Variants in SRGAP3 observed in about 807,000 individuals in gnomAD.
SRGAP3 encodes the protein SLIT-ROBO Rho GTPase activating protein 3, also known as SLIT-ROBO Rho GTPase-activating protein 3.
In SRGAP3, 39 loss-of-function variants were observed where a neutral mutation model predicts 121.1. The observed-to-expected ratio is 0.32, with a 90% CI of 0.25 to 0.42. The LOEUF is 0.42. Among genes scored for constraint, SRGAP3 ranks in the 10% least tolerant of loss-of-function variants. SRGAP3 has a pLI of 1.00. For synonymous variants in SRGAP3, 601 were observed against 570.0 expected, an observed-to-expected ratio of 1.05 and a Z score of -0.77; for missense variants, 1,213 against 1,470.6, an observed-to-expected ratio of 0.82 and a Z score of 2.86.
chr3:9,191,392 T>A (rs890425204), intron 1 of SRGAP3, among the ~76,000 whole-genome samples: 3 of 152,238 alleles, frequency 2.0e-5, no homozygotes, highest in Non-Finnish European at 4.4e-5. Flanking sequence ...CTAAAGGAGC[T>A]AATGGTGTTT....
intron 1 of SRGAP3, among the ~76,000 whole-genome samples, chr3:9,342,308 G>A (rs1248159339): frequency 2.0e-5 from 3 of 150,854 alleles, no homozygotes; most frequent in East Asian, 2.0e-4. Flanking sequence ...CTGAGATTGC[G>A]CCACTGTACT....
intron 1 of SRGAP3, among the ~76,000 whole-genome samples, chr3:9,154,725 T>G (rs942048938): frequency 6.6e-6 from 1 of 152,186 alleles, no homozygotes; most frequent in Non-Finnish European, 1.5e-5. Context: ...AATTTTTTGT[T>G]GCAAGCTCTC....
At chr3:9,208,459 T>C (rs1176997302) in intron 1 of SRGAP3, among the ~76,000 whole-genome samples, 2 of 152,124 alleles carry the variant, frequency 1.3e-5, no homozygotes, top group East Asian at 1.9e-4. Context: ...ACAAAGGTCT[T>C]AGGAACCCAT....
At position 9,032,721 on chromosome 3, in the gene SRGAP3, T is replaced by C. The variant is rs1944550275; in HGVS notation, c.1468A>G (p.Met490Val). The C allele has an allele frequency of 9.3e-6, 15 of 1,609,574 alleles. No homozygotes were observed. The East Asian group carries it at 3.4e-4, about 36-fold the overall frequency. Residue 490 changes from methionine to valine, a missense_variant, in exon 12 of 22, where the codon ATG (methionine) becomes GTG (valine). This residue lies in a region of SRGAP3 where 793 missense variants were observed against 1,032.9 expected (regional missense o/e 0.77). Coordinates refer to ENST00000383836, the MANE Select transcript of SRGAP3 (RefSeq NM_014850.4). The stretch of plus-strand genomic sequence containing the variant: ...ACTGAGAGAGGCCTAGGTCTCCTCA[T>C]TTTCTGTGGTTTAGGGGGAAGACAG... Reference protein sequence around the residue: ...PPCLPPKPQKMRRPRPLSVYS... With the variant: ...PPCLPPKPQKVRRPRPLSVYS...
chr3:9,022,431 A>G (rs1470211584), intron 14 of SRGAP3, among the ~76,000 whole-genome samples: 1 of 152,246 alleles, frequency 6.6e-6, no homozygotes, highest in Non-Finnish European at 1.5e-5. Context: ...GTGGGATGTG[A>G]AGAGTGGGCG....
chr3:9,337,367 T>A (rs1021000449), intron 1 of SRGAP3, among the ~76,000 whole-genome samples: 1 of 152,246 alleles, frequency 6.6e-6, no homozygotes, highest in Non-Finnish European at 1.5e-5. Flanking sequence ...ATGGACTTAT[T>A]ATCTGTGGAC....
chr3:9,316,067 G>T (rs1253810446), intron 3 of SRGAP3, among the ~76,000 whole-genome samples: 1 of 151,526 alleles, frequency 6.6e-6, no homozygotes, highest in Non-Finnish European at 1.5e-5. Flanking sequence ...TATTTTTTTT[G>T]AGACAGAGTG....
At position 8,985,504 on chromosome 3, in the gene SRGAP3, G is replaced by C; in HGVS notation, c.*15C>G. 1 of 1,598,264 alleles carries C rather than the reference G, an allele frequency of 6.3e-7. No homozygotes were observed. Among genetic ancestry groups the C allele is most frequent in the Non-Finnish European group, 8.5e-7 (1 of 1,179,306 alleles). ...GAGCCACAGCGGGCCACGGCGGCGC[G>C]GCCCATCCTGCAGGTCACATGGTGC... On this transcript the variant is annotated 3_prime_UTR_variant, in exon 22 of 22. Transcript: ENST00000383836. The surrounding 1 kb of genome is among the most constrained non-coding windows in gnomAD (Gnocchi z 5.1).
intron 2 of SRGAP3, among the ~76,000 whole-genome samples, chr3:9,110,193 G>A (rs935099776): frequency 1.3e-5 from 2 of 152,074 alleles, no homozygotes; most frequent in South Asian, 4.2e-4. Flanking sequence ...TGGAAGTTGA[G>A]AGAGAGCAAA....
chr3:9,347,814 A>G (rs1293875797), intron 1 of SRGAP3, among the ~76,000 whole-genome samples: 2 of 152,230 alleles, frequency 1.3e-5, no homozygotes, highest in East Asian at 1.9e-4. Flanking sequence ...CACCAGCCCA[A>G]CTTGCACTTC....
intron 18 of SRGAP3, among the ~76,000 whole-genome samples, chr3:9,005,288 A>G (rs752799959): frequency 3.0e-4 from 46 of 152,342 alleles, no homozygotes; most frequent in Non-Finnish European, 5.0e-4. Context: ...AAGTGCTAGC[A>G]AGGATATGGA....
At chr3:9,013,208 G>A (rs527643246) in intron 17 of SRGAP3, 100 bp downstream of exon 17, 70 of 1,175,152 alleles carry the variant, frequency 6.0e-5, no homozygotes, top group Admixed American at 4.5e-4. Context: ...TGGAAGCACC[G>A]ACTATCAAGC....
At chr3:9,252,759 G>C (rs565444425), upstream of SRGAP3, among the ~76,000 whole-genome samples, 1 of 152,126 alleles carries the variant, frequency 6.6e-6, no homozygotes, top group East Asian at 1.9e-4. Flanking sequence ...TCCTCTGTGA[G>C]CCCACTTTTT....
chr3:9,210,815 G>A (rs1460256039), intron 1 of SRGAP3, among the ~76,000 whole-genome samples: 1 of 152,128 alleles, frequency 6.6e-6, no homozygotes, highest in Non-Finnish European at 1.5e-5. Context: ...GGGTCACAGA[G>A]CGAGACTCTG....
intron 4 of SRGAP3, among the ~76,000 whole-genome samples, chr3:9,066,906 TAAG>T (rs1373391993): frequency 6.6e-6 from 1 of 152,164 alleles, no homozygotes; most frequent in Non-Finnish European, 1.5e-5. Flanking sequence ...TCATGGAAGG[TAAG>T]AATATGGACA....
intron 18 of SRGAP3, among the ~76,000 whole-genome samples, chr3:9,000,396 A>T (rs1166935218): frequency 6.6e-6 from 1 of 152,210 alleles, no homozygotes; most frequent in African/African-American, 2.4e-5. Context: ...CAAAGCACTC[A>T]GTGGGGACAT....
At chr3:9,354,640 C>T (rs1252608353) in intron 1 of SRGAP3, among the ~76,000 whole-genome samples, 1 of 149,486 alleles carries the variant, frequency 6.7e-6, no homozygotes, top group African/African-American at 2.5e-5. Context: ...CGAGATTGCG[C>T]CACTGCACTC....
At chr3:9,302,203 A>C (rs1483359726) in intron 3 of SRGAP3, among the ~76,000 whole-genome samples, 2 of 152,146 alleles carry the variant, frequency 1.3e-5, no homozygotes, top group African/African-American at 4.8e-5. Flanking sequence ...AGGGGAGGCC[A>C]AGGGTTTCCG....
At chr3:9,115,345 G>A (rs765028139) in intron 2 of SRGAP3, among the ~76,000 whole-genome samples, 2 of 152,138 alleles carry the variant, frequency 1.3e-5, no homozygotes, top group Non-Finnish European at 2.9e-5. Context: ...AACTAAACCC[G>A]TACATATTAC....
Sources: allele counts gnomAD v4.1 joint callset (sites outside exome capture counted in the v4.1 genomes callset), GRCh38; gene constraint gnomAD v4.1.1; regional missense constraint gnomAD v4.1.1; non-coding constraint Gnocchi (gnomAD v3.1); transcripts MANE v1.5; gene names NCBI Gene and HGNC (gene_info 2026-07-23, HGNC 2026-07-21).